PCDH7: variants seen among roughly 807,000 people sequenced by gnomAD.
The protein encoded by PCDH7 is protocadherin-7.
A neutral mutation model predicts 58.9 loss-of-function variants in PCDH7; 17 were observed. That is an observed-to-expected ratio of 0.29 (90% confidence interval 0.20 to 0.43). The LOEUF is 0.43. Ranked by LOEUF, PCDH7 falls within the 20% of genes least tolerant of loss-of-function variation. PCDH7 has a pLI of 1.00. For synonymous variants in PCDH7, 664 were observed against 616.4 expected (o/e 1.08, Z -1.14); for missense variants, 1,274 against 1,441.0 (o/e 0.88, Z 1.88).
rs569414640 is a variant in PCDH7, at chr4:30,781,284, G to A, written c.70+56688G>A. On this transcript the variant is annotated intron_variant, in intron 1 of 3. Coordinates refer to the PCDH7 transcript ENST00000509759. Reference sequence around the variant, plus strand: ...GCCTTCCGAGTAGCTGGGACTACAGGTGCCCACCACCACGCCTGGCTAATT... The same window carrying A: ...GCCTTCCGAGTAGCTGGGACTACAGATGCCCACCACCACGCCTGGCTAATT... Among the ~76,000 whole-genome samples the A allele has an allele frequency of 3.0e-3, 459 of 151,456 alleles. 6 individuals carry two copies. The highest frequency in any genetic ancestry group is 3.8e-3 in the Non-Finnish European group (258 of 67,882).
intron 1 of PCDH7, chr4:30,725,358 T>C: frequency 2.3e-6 from 2 of 865,096 alleles, no homozygotes; most frequent in African/African-American, 1.8e-5. Flanking sequence ...GTAATGAAAA[T>C]ATTCATGATT....
intron 3 of PCDH7, among the ~76,000 whole-genome samples, chr4:31,076,225 T>C (rs184537315): frequency 6.6e-6 from 1 of 152,266 alleles, no homozygotes; most frequent in East Asian, 1.9e-4. Flanking sequence ...ACTCATCAAG[T>C]TTATGTTGCC....
At chr4:30,757,402 C>T (rs1397390399) in intron 1 of PCDH7, among the ~76,000 whole-genome samples, 1 of 152,168 alleles carries the variant, frequency 6.6e-6, no homozygotes, top group African/African-American at 2.4e-5. Context: ...GCAGAAAGGC[C>T]CTTAGCAAAT....
At chr4:30,961,246 G>A (rs11727594) in intron 3 of PCDH7, among the ~76,000 whole-genome samples, 116,480 of 151,938 alleles carry the variant, frequency 0.77, 45,513 homozygotes, top group African/African-American at 0.94. Context: ...ATAAAAATAT[G>A]TTATAAAACC....
chr4:31,137,351 G>C (rs752413096), intron 3 of PCDH7, among the ~76,000 whole-genome samples: 1 of 152,238 alleles, frequency 6.6e-6, no homozygotes, highest in African/African-American at 2.4e-5. Flanking sequence ...GGCAGGCTGA[G>C]GAGGGCAGAT....
chr4:31,011,365 T>C (rs1753172477), intron 3 of PCDH7, among the ~76,000 whole-genome samples: 1 of 152,068 alleles, frequency 6.6e-6, no homozygotes, highest in Admixed American at 6.6e-5. Context: ...GTTCTCTTTG[T>C]AAAATTCAAC....
chr4:30,872,509 A>T (rs1735751919), intron 1 of PCDH7, among the ~76,000 whole-genome samples: 1 of 152,076 alleles, frequency 6.6e-6, no homozygotes, highest in Non-Finnish European at 1.5e-5. Flanking sequence ...ACTATGTTCC[A>T]TTATAACCTG....
chr4:31,146,067 A>T (rs1191335960), downstream of PCDH7: 2 of 152,058 alleles, frequency 1.3e-5, no homozygotes, highest in Non-Finnish European at 2.9e-5. Context: ...CTGAATCTCC[A>T]GATATCATTT....
At chr4:30,922,940 G>A (rs1185267386) in intron 2 of PCDH7, among the ~76,000 whole-genome samples, 1 of 152,090 alleles carries the variant, frequency 6.6e-6, no homozygotes, top group Non-Finnish European at 1.5e-5. Context: ...TTAAATTCTG[G>A]TAATTTCATC....
intron 1 of PCDH7, among the ~76,000 whole-genome samples, chr4:30,790,242 A>C (rs557310201): frequency 6.6e-6 from 1 of 152,318 alleles, no homozygotes; most frequent in East Asian, 1.9e-4. Context: ...TAGAGGCGAT[A>C]TATTCATTGC....
chr4:31,007,425 AG>A (rs1340444970), intron 3 of PCDH7, among the ~76,000 whole-genome samples: 7 of 152,218 alleles, frequency 4.6e-5, no homozygotes, highest in Non-Finnish European at 1.0e-4. Context: ...TTGGTGTCAA[AG>A]TACCTTGTCA....
chr4:30,796,762 GTTC>G (rs535062552), intron 1 of PCDH7, among the ~76,000 whole-genome samples: 8 of 152,028 alleles, frequency 5.3e-5, no homozygotes, highest in African/African-American at 1.9e-4. Context: ...TTTACTTTCT[GTTC>G]TTCTTCTAGA....
In PCDH7 at chr4:31,003,228, A is replaced by C. The variant is rs551786549; in HGVS notation, c.*7+53013A>C. Among the ~76,000 whole-genome samples, 7 of 152,230 alleles carry C rather than the reference A, an allele frequency of 4.6e-5. No homozygotes were observed. The South Asian group carries it at 1.5e-3, about 32-fold the overall frequency. On this transcript the variant is annotated intron_variant, in intron 3 of 3. Transcript: ENST00000509759. ...CTTTTGGATTCTTTCTTCTTTGCAGACATTCCATATTCATTGTCATTATCT... is the reference window on the plus strand; with the variant it reads ...CTTTTGGATTCTTTCTTCTTTGCAGCCATTCCATATTCATTGTCATTATCT...
intron 3 of PCDH7, among the ~76,000 whole-genome samples, chr4:31,012,737 C>T (rs1753287747): frequency 6.6e-6 from 1 of 150,662 alleles, no homozygotes; most frequent in Admixed American, 6.6e-5. Flanking sequence ...GATGTCCAGG[C>T]TCACACCTGT....
chr4:31,027,607 G>A (rs926737912), intron 3 of PCDH7, among the ~76,000 whole-genome samples: 11 of 151,960 alleles, frequency 7.2e-5, no homozygotes, highest in African/African-American at 2.7e-4. Context: ...GTTTTTAGTA[G>A]ATATGGGGTT....
At chr4:31,062,871 C>T (rs1470324167) in intron 3 of PCDH7, among the ~76,000 whole-genome samples, 1 of 151,712 alleles carries the variant, frequency 6.6e-6, no homozygotes, top group Non-Finnish European at 1.5e-5. Flanking sequence ...AGTGAAGGAA[C>T]CACCAAGTTT....
At chr4:30,992,810 T>C (rs914468694) in intron 3 of PCDH7, among the ~76,000 whole-genome samples, 1 of 145,538 alleles carries the variant, frequency 6.9e-6, no homozygotes, top group Non-Finnish European at 1.5e-5. Context: ...TTTTTTTTTT[T>C]TTTTTTTTGA....
Position 30,722,993 on chromosome 4 carries a change from A to G in PCDH7, c.1571A>G (p.Lys524Arg), listed in dbSNP as rs779902060. The G allele has an allele frequency of 6.2e-7, 1 of 1,613,818 alleles. No homozygotes were observed. Among genetic ancestry groups the G allele is most frequent in the East Asian group, 2.2e-5 (1 of 44,876 alleles). ...TCGAGCAACAACTCCCTGATTGTCA[A>G]GGTGGGAGACACCAACGACAACCCG... The change falls in exon 1 of 2, where the codon AAG becomes AGG. Residue 524 changes from lysine (K) to arginine (R), a missense_variant. Around this residue, in one of 3 missense-constraint regions of PCDH7, gnomAD observed 731 missense variants for 881.9 expected, o/e 0.83. Transcript: ENST00000361762. This position sits in a 1 kb window ranked among gnomAD's most constrained non-coding sequence, Gnocchi z 7.6.
At position 31,108,483 on chromosome 4, in the gene PCDH7, G is replaced by A. The variant is rs929547653; in HGVS notation, c.*8-33990G>A. On this transcript the variant is annotated intron_variant, in intron 3 of 3. Transcript: ENST00000509759. ...AAGATTGAATAATCTTTTTAACTAAGTTAACTGCTAATTCGATGAATCAGT... is the reference window on the plus strand; with the variant it reads ...AAGATTGAATAATCTTTTTAACTAAATTAACTGCTAATTCGATGAATCAGT... 6.1e-5 allele frequency among the ~76,000 whole-genome samples: 9 copies of A among 146,944 alleles called. No individual in the cohort carries two copies. In the South Asian group the frequency reaches 6.6e-4, roughly 11 times the overall value.
Sources: allele counts gnomAD v4.1 joint callset (sites outside exome capture counted in the v4.1 genomes callset), GRCh38; gene constraint gnomAD v4.1.1; regional missense constraint gnomAD v4.1.1; non-coding constraint Gnocchi (gnomAD v3.1); transcripts MANE v1.5; gene names NCBI Gene and HGNC (gene_info 2026-07-23, HGNC 2026-07-21).